OIP5: variants seen among roughly 807,000 people sequenced by gnomAD.
The protein encoded by OIP5 is Opa interacting protein 5, also known as protein Mis18-beta.
OIP5 carries 24 observed loss-of-function variants against 20.3 expected under a neutral mutation model. The ratio of observed to expected loss-of-function variants is 1.18; its 90% CI spans 0.86 to 1.66. The LOEUF is 1.66. Among genes scored for constraint, OIP5 ranks in the 40% most tolerant of loss-of-function variants. The pLI is 0.00. For missense variants in OIP5, 339 were observed against 289.5 expected (o/e 1.17, Z -1.24); for synonymous variants, 143 against 121.3 (o/e 1.18, Z -1.17).
In OIP5 at chr15:41,332,406, G is replaced by A. The variant is rs112502662; in HGVS notation, c.156C>T (p.Pro52=). Residue 52 remains proline, a synonymous_variant, in exon 1 of 5, where the codon CCC becomes CCT. Transcript: ENST00000220514. ...QVVKGSSPLG[P]AGLGAEEPAA... is the part of the protein sequence containing the mutation. ...CTGGCTCCTCAGCCCCCAGCCCTGC[G>A]GGGCCGAGCGGCGAGGACCCCTTCA... is the stretch of plus-strand genomic sequence containing the variant. 43 of 1,613,882 alleles carry A rather than the reference G, an allele frequency of 2.7e-5. No homozygotes were observed. In the African/African-American group the frequency reaches 4.4e-4, roughly 17 times the overall value.
chr15:41,309,831 G>C lies in OIP5; in HGVS notation c.613C>G (p.Leu205Val), dbSNP rs753733170. The change falls in exon 5 of 5, where the codon CTA becomes GTA. Residue 205 changes from leucine (L) to valine (V), a missense_variant. By Grantham distance (32) the Leu-to-Val change is conservative. Transcript: ENST00000220514. ...KIAELKEKIVLTHNRLKSLMK... is the reference protein window; with the variant it reads ...KIAELKEKIVVTHNRLKSLMK... Reference sequence around the variant, plus strand: ...AGTGATTTTAAGCGATTGTGCGTTAGCACTATCTTCTCTTTCAGCTAGGAA... The same window carrying C: ...AGTGATTTTAAGCGATTGTGCGTTACCACTATCTTCTCTTTCAGCTAGGAA... 6.7e-5 allele frequency: 108 copies of C among 1,612,344 alleles called. 1 individual carries two copies. The highest frequency in any genetic ancestry group is 4.9e-4 in the Middle Eastern group (3 of 6,082).
intron 2 of OIP5, among the ~76,000 whole-genome samples, chr15:41,325,006 T>C (rs1413789153): frequency 6.6e-6 from 1 of 152,152 alleles, no homozygotes; most frequent in East Asian, 1.9e-4. Flanking sequence ...TTGATTAAGT[T>C]TGCTATCTTC....
chr15:41,313,403 A>G (rs971739970), intron 3 of OIP5, 49 bp from the exon 4 acceptor site: 2 of 1,049,968 alleles, frequency 1.9e-6, no homozygotes, highest in Non-Finnish European at 1.4e-6. Flanking sequence ...GGTTAAGATT[A>G]TAAAAGAACC....
In OIP5 at chr15:41,332,240, T is replaced by C. The variant is rs1278774784; in HGVS notation, c.322A>G (p.Arg108Gly). 6.5e-7 allele frequency: 1 copy of C among 1,542,548 alleles called. No homozygotes were observed. Among genetic ancestry groups the C allele is most frequent in the South Asian group, 1.3e-5 (1 of 79,572 alleles). The change falls in exon 1 of 5, where the codon AGA becomes GGA. Residue 108 changes from arginine (R) to glycine (G), a missense_variant and splice_region_variant. Arg to Gly is a moderately radical substitution (Grantham distance 125, BLOSUM62 -2). Coordinates refer to ENST00000220514, the MANE Select transcript of OIP5 (RefSeq NM_007280.2). ...TTCCCGAACGCTTCACTGCACTCAC[T>C]GGAGAAGACCACGGCCCCGAGGGAC... The part of the protein sequence containing the change: ...SRSLGAVVFS[R>G]VTNNVVLEAP...
intron 2 of OIP5, among the ~76,000 whole-genome samples, chr15:41,330,390 G>C (rs1356242279): frequency 6.7e-6 from 1 of 149,444 alleles, no homozygotes; most frequent in East Asian, 2.0e-4. Context: ...GTAAGCCACC[G>C]CTCCCAGCCG....
intron 3 of OIP5, among the ~76,000 whole-genome samples, chr15:41,318,610 T>C (rs1405704416): frequency 2.0e-5 from 3 of 152,106 alleles, no homozygotes; most frequent in Non-Finnish European, 2.9e-5. Flanking sequence ...GTTTCTTTAA[T>C]GAAAGAATAC....
chr15:41,321,640 T>C (rs2047829615), intron 2 of OIP5, among the ~76,000 whole-genome samples: 1 of 152,026 alleles, frequency 6.6e-6, no homozygotes, highest in African/African-American at 2.4e-5. Context: ...TCCTGTGCTC[T>C]CTGAAACATG....
chr15:41,332,331 C>T lies in OIP5; in HGVS notation c.231G>A (p.Val77=), dbSNP rs2047937981. 6.2e-7 allele frequency: 1 copy of T among 1,611,362 alleles called. No homozygotes were observed. Among genetic ancestry groups the T allele is most frequent in the African/African-American group, 1.3e-5 (1 of 74,976 alleles). The change falls in exon 1 of 5, where the codon GTG becomes GTA. Residue 77 remains valine, a synonymous_variant. Coordinates refer to ENST00000220514, the MANE Select transcript of OIP5 (RefSeq NM_007280.2). The part of the protein sequence containing the change: ...PSWLQPERCA[V]FQCAQCHAVL... ...CTGCGTGACACTGTGCGCACTGGAACACAGCGCACCTCTCAGGCTGCAGCC... is the reference window on the plus strand; with the variant it reads ...CTGCGTGACACTGTGCGCACTGGAATACAGCGCACCTCTCAGGCTGCAGCC...
chr15:41,325,580 G>A (rs970748041), intron 2 of OIP5, among the ~76,000 whole-genome samples: 1 of 151,518 alleles, frequency 6.6e-6, no homozygotes, highest in Non-Finnish European at 1.5e-5. Context: ...GCTGGGCGCA[G>A]TGGCTCACAC....
At chr15:41,325,747 G>C (rs921234159) in intron 2 of OIP5, among the ~76,000 whole-genome samples, 1 of 151,830 alleles carries the variant, frequency 6.6e-6, no homozygotes, top group African/African-American at 2.4e-5. Context: ...CTACTAGGGA[G>C]GCTGAGGCAG....
chr15:41,312,071 C>T (rs1157759276), intron 4 of OIP5, among the ~76,000 whole-genome samples: 1 of 140,338 alleles, frequency 7.1e-6, no homozygotes, highest in Non-Finnish European at 1.6e-5. Flanking sequence ...TCAGGCTGGT[C>T]TCAAACTCCC....
At chr15:41,318,656 T>C (rs1410019914) in intron 3 of OIP5, among the ~76,000 whole-genome samples, 2 of 152,044 alleles carry the variant, frequency 1.3e-5, no homozygotes, top group Non-Finnish European at 2.9e-5. Context: ...TTTTAAGATA[T>C]GGTATGATAA....
chr15:41,327,431 C>A (rs1327321191), intron 2 of OIP5, among the ~76,000 whole-genome samples: 9 of 151,920 alleles, frequency 5.9e-5, no homozygotes, highest in Non-Finnish European at 8.8e-5. Context: ...CCCGCCTCGG[C>A]CTCCCAAAGT....
chr15:41,312,773 C>T (rs1164533848), intron 4 of OIP5, among the ~76,000 whole-genome samples: 1 of 152,016 alleles, frequency 6.6e-6, no homozygotes, highest in African/African-American at 2.4e-5. Flanking sequence ...GGACTACAGG[C>T]ACGTGCCACC....
At chr15:41,316,747 G>A (rs1296687841) in intron 3 of OIP5, among the ~76,000 whole-genome samples, 11 of 131,490 alleles carry the variant, frequency 8.4e-5, no homozygotes, top group South Asian at 4.7e-4. Context: ...CCAAGATCAC[G>A]TCACTGCACT....
intron 2 of OIP5, among the ~76,000 whole-genome samples, chr15:41,321,229 C>T (rs1175855640): frequency 1.3e-5 from 2 of 149,364 alleles, no homozygotes; most frequent in Admixed American, 6.6e-5. Flanking sequence ...CCCGGCCAGC[C>T]GCCCCGTCCG....
At chr15:41,318,099 A>G (rs1366186227) in intron 3 of OIP5, among the ~76,000 whole-genome samples, 1 of 152,104 alleles carries the variant, frequency 6.6e-6, no homozygotes, top group Non-Finnish European at 1.5e-5. Flanking sequence ...ACAAACCCAA[A>G]AGGTATCTAC....
chr15:41,328,179 GGATA>G (rs1190968666), intron 2 of OIP5, among the ~76,000 whole-genome samples: 3 of 152,200 alleles, frequency 2.0e-5, no homozygotes, highest in East Asian at 3.8e-4. Flanking sequence ...ACATTGTGGA[GGATA>G]GATATTTTGT....
chr15:41,326,508 C>T (rs776122183), intron 2 of OIP5, among the ~76,000 whole-genome samples: 7 of 152,194 alleles, frequency 4.6e-5, no homozygotes, highest in African/African-American at 1.7e-4. Context: ...ACCACAACCT[C>T]CGTCTCCTAG....
Sources: gnomAD v4.1 joint callset for allele counts (sites outside exome capture counted in the v4.1 genomes callset) on GRCh38, gnomAD v4.1.1 for gene constraint, MANE v1.5 for transcripts, NCBI Gene and HGNC (gene_info 2026-07-23, HGNC 2026-07-21) for gene names.